MAPK4: variants seen among roughly 807,000 people sequenced by gnomAD.
The protein encoded by MAPK4 is mitogen-activated protein kinase 4.
MAPK4 carries 22 observed loss-of-function variants against 47.7 expected under a neutral mutation model. The ratio of observed to expected loss-of-function variants is 0.46; its 90% confidence interval spans 0.33 to 0.66. MAPK4 has a LOEUF of 0.66. Ranked by LOEUF, MAPK4 falls within the 30% of genes least tolerant of loss-of-function variation. The pLI, the probability that MAPK4 is intolerant of heterozygous loss-of-function variation, is 0.02. For synonymous variants in MAPK4, 390 were observed against 365.7 expected (o/e 1.07, Z -0.76); for missense variants, 736 against 831.7 (o/e 0.88, Z 1.42).
chr18:50,651,530 C>T (rs184985773), intron 1 of MAPK4, among the ~76,000 whole-genome samples: 70 of 152,322 alleles, frequency 4.6e-4, no homozygotes, highest in African/African-American at 1.6e-3. Flanking sequence ...TGTACAACCA[C>T]GTTTCCTCTC....
chr18:50,572,907 T>C (rs1002368274), intron 1 of MAPK4, among the ~76,000 whole-genome samples: 1 of 152,210 alleles, frequency 6.6e-6, no homozygotes, highest in African/African-American at 2.4e-5. Context: ...TCTAAAACTA[T>C]ATTGCCTTAA....
chr18:50,677,026 G>A (rs547758093), intron 2 of MAPK4, among the ~76,000 whole-genome samples: 60 of 152,220 alleles, frequency 3.9e-4, no homozygotes, highest in Non-Finnish European at 7.5e-4. Flanking sequence ...CCTGAGCTCC[G>A]CCTCCTGCCA....
At chr18:50,682,411 A>G (rs1181613751) in intron 2 of MAPK4, among the ~76,000 whole-genome samples, 1 of 152,176 alleles carries the variant, frequency 6.6e-6, no homozygotes, top group Non-Finnish European at 1.5e-5. Context: ...AACTCTCCCA[A>G]AAATTGAAGA....
chr18:50,562,950 T>G (rs1325119134), intron 1 of MAPK4, among the ~76,000 whole-genome samples: 1 of 152,214 alleles, frequency 6.6e-6, no homozygotes, highest in Non-Finnish European at 1.5e-5. Flanking sequence ...GTGCCTTGTA[T>G]GTTTATCTTT....
At chr18:50,707,772 G>A (rs558599313) in intron 2 of MAPK4, among the ~76,000 whole-genome samples, 1 of 152,022 alleles carries the variant, frequency 6.6e-6, no homozygotes, top group Admixed American at 6.6e-5. Flanking sequence ...ACCACACAGG[G>A]CCTGGAGTGT....
chr18:50,724,455 G>C (rs1441821720), intron 4 of MAPK4, among the ~76,000 whole-genome samples: 3 of 152,300 alleles, frequency 2.0e-5, no homozygotes, highest in African/African-American at 4.8e-5. Context: ...CCAAAAAAGG[G>C]GCCAGAGGCC....
intron 1 of MAPK4, among the ~76,000 whole-genome samples, chr18:50,625,912 A>G (rs2144139516): frequency 9.2e-6 from 1 of 108,624 alleles, no homozygotes; most frequent in Non-Finnish European, 2.1e-5. Context: ...ACACACACAC[A>G]CACACACACA....
rs1908398316 is a variant in MAPK4 at position 50,678,422 on chromosome 18, AC to A, written c.546+13920del. 6.6e-6 allele frequency among the ~76,000 whole-genome samples: 1 copy of A among 152,166 alleles called. No individual in the cohort carries two copies. The highest frequency in any genetic ancestry group is 1.5e-5 in the Non-Finnish European group (1 of 68,028). On this transcript the variant is annotated intron_variant, in intron 2 of 5. Transcript: ENST00000400384. The surrounding 1 kb of genome is among the most constrained non-coding windows in gnomAD (Gnocchi z 4.2). ...TAACAACTGGTAAGCTTTGGGACCA[AC>A]CAATCTGAACAGACATCGGCAGTGA...
intron 1 of MAPK4, among the ~76,000 whole-genome samples, chr18:50,571,802 G>A (rs2042252823): frequency 6.6e-6 from 1 of 152,172 alleles, no homozygotes; most frequent in African/African-American, 2.4e-5. Context: ...TTCAGACAAA[G>A]TTAGCTGAGC....
chr18:50,569,637 T>TCCGCTTATCACTAAAGATAGA (rs2042232850), intron 1 of MAPK4, among the ~76,000 whole-genome samples: 1 of 152,248 alleles, frequency 6.6e-6, no homozygotes, highest in East Asian at 1.9e-4. Context: ...ATCCTTGTTT[T>TCCGCTTATCACTAAAGATAGA]CCGCTTATCA....
intron 2 of MAPK4, among the ~76,000 whole-genome samples, chr18:50,668,998 G>A (rs756210167): frequency 1.3e-5 from 2 of 152,314 alleles, no homozygotes; most frequent in South Asian, 2.1e-4. Context: ...TCAGATGTAC[G>A]CAGGGCTAAA....
At chr18:50,645,269 G>A (rs944460701) in intron 1 of MAPK4, among the ~76,000 whole-genome samples, 2 of 151,760 alleles carry the variant, frequency 1.3e-5, no homozygotes, top group African/African-American at 4.9e-5. Context: ...AACAGCTGGG[G>A]TTAAAGATGA....
chr18:50,639,542 A>C (rs1472457957), intron 1 of MAPK4, among the ~76,000 whole-genome samples: 1 of 152,228 alleles, frequency 6.6e-6, no homozygotes, highest in African/African-American at 2.4e-5. Flanking sequence ...AAAGGAAAAA[A>C]ATTCTGTAAT....
At chr18:50,589,861 T>G (rs2042422275) in intron 1 of MAPK4, among the ~76,000 whole-genome samples, 1 of 152,232 alleles carries the variant, frequency 6.6e-6, no homozygotes, top group South Asian at 2.1e-4. Context: ...CAGCTGGAGC[T>G]TCCATTGTCC....
Position 50,664,004 on chromosome 18 carries a change from C to T in MAPK4, c.46C>T (p.Leu16Phe). Residue 16 changes from leucine (L) to phenylalanine (F), a missense_variant, in exon 2 of 6, where the codon CTC (leucine) becomes TTC (phenylalanine). Leu to Phe is a conservative substitution (Grantham distance 22). Around this residue, in one of 3 missense-constraint regions of MAPK4, gnomAD observed 327 missense variants for 395.4 expected, o/e 0.83. Coordinates refer to ENST00000400384, the MANE Select transcript of MAPK4 (RefSeq NM_002747.4). This position sits in a 1 kb window ranked among gnomAD's most constrained non-coding sequence, Gnocchi z 6.0. The stretch of plus-strand genomic sequence containing the variant: ...CATCGCCAGTGTCTATGGGTATGAC[C>T]TCGGTGGGCGCTTTGTTGACTTCCA... ...DCIASVYGYD[L>F]GGRFVDFQPL... 1 of 1,613,694 alleles carries T rather than the reference C, an allele frequency of 6.2e-7. No homozygotes were observed. The highest frequency in any genetic ancestry group is 1.3e-5 in the African/African-American group (1 of 75,034).
intron 1 of MAPK4, among the ~76,000 whole-genome samples, chr18:50,564,808 C>T (rs1442159506): frequency 2.6e-5 from 4 of 152,194 alleles, no homozygotes; most frequent in Non-Finnish European, 5.9e-5. Context: ...TCCCCGCCTG[C>T]TGCTTGGGCA....
intron 1 of MAPK4, among the ~76,000 whole-genome samples, chr18:50,572,800 CCTT>C (rs1209842984): frequency 6.6e-6 from 1 of 152,154 alleles, no homozygotes; most frequent in African/African-American, 2.4e-5. Flanking sequence ...TATTAAGTAA[CCTT>C]CTAGTTTTCT....
intron 1 of MAPK4, among the ~76,000 whole-genome samples, chr18:50,642,724 A>T (rs2042951506): frequency 6.6e-6 from 1 of 152,172 alleles, no homozygotes; most frequent in Non-Finnish European, 1.5e-5. Context: ...GCCCAGCATC[A>T]CTGAACCCCT....
At chr18:50,656,415 C>T (rs1048156661) in intron 1 of MAPK4, among the ~76,000 whole-genome samples, 27 of 152,188 alleles carry the variant, frequency 1.8e-4, no homozygotes, top group Admixed American at 1.5e-3. Flanking sequence ...CAGGGATCCC[C>T]CCATAGGGCT....
Sources: gnomAD v4.1 joint callset for allele counts (sites outside exome capture counted in the v4.1 genomes callset) on GRCh38, gnomAD v4.1.1 for gene constraint, gnomAD v4.1.1 regional missense constraint, Gnocchi (gnomAD v3.1) non-coding constraint, MANE v1.5 for transcripts, NCBI Gene and HGNC (gene_info 2026-07-23, HGNC 2026-07-21) for gene names.